The following AK9 variants were observed in gnomAD, a reference collection of about 807,000 sequenced individuals.
The protein encoded by AK9 is adenylate kinase domain containing 1.
AK9 carries 191 observed loss-of-function variants against 239.6 expected under a neutral mutation model. The ratio of observed to expected loss-of-function variants is 0.80; its 90% CI spans 0.71 to 0.90. The LOEUF (loss-of-function observed/expected upper bound fraction) is 0.90, where lower values mean the gene tolerates loss of function less well. Among genes scored for constraint, AK9 ranks in the 40% least tolerant of loss-of-function variants. The pLI is 0.00. For synonymous variants in AK9, 689 were observed against 721.0 expected, an observed-to-expected ratio of 0.96 and a Z score of 0.71; for missense variants, 1,995 against 2,214.7, an observed-to-expected ratio of 0.90 and a Z score of 1.99.
At chr6:109,550,046 A>C (rs1010489625) in intron 25 of AK9, 44 bp downstream of exon 25, 1 of 1,587,382 alleles carries the variant, frequency 6.3e-7, no homozygotes, top group Non-Finnish European at 8.6e-7. Flanking sequence ...CAGTCCCAAA[A>C]AAATCCTGTG....
Position 109,573,588 on chromosome 6 carries a change from T to TC in AK9, c.2197dup (p.Glu733GlyfsTer4). The TC allele has an allele frequency of 6.5e-7, 1 of 1,534,766 alleles. No homozygotes were observed. On this transcript the variant is annotated frameshift_variant, in exon 21 of 41. Coordinates refer to ENST00000424296, the MANE Select transcript of AK9 (RefSeq NM_001145128.3). LOFTEE classifies it high-confidence loss of function. Reference sequence around the variant, plus strand: ...CTCTTCATCCTCATTATCAGTCTCTTCAGCTTCTAAAAAAATTTGAAGAAA... The same window carrying TC: ...CTCTTCATCCTCATTATCAGTCTCTTCCAGCTTCTAAAAAAATTTGAAGAAA...
At chr6:109,628,138 G>A (rs1263367789) in intron 12 of AK9, among the ~76,000 whole-genome samples, 1 of 152,146 alleles carries the variant, frequency 6.6e-6, no homozygotes, top group African/African-American at 2.4e-5. Context: ...CCTTTACAGT[G>A]TGTCAGCTCA....
At chr6:109,657,747 T>A (rs1411269810) in intron 7 of AK9, among the ~76,000 whole-genome samples, 1 of 151,956 alleles carries the variant, frequency 6.6e-6, no homozygotes, top group Non-Finnish European at 1.5e-5. Context: ...CCCCTTCCTG[T>A]GTCCAAGTGT....
chr6:109,683,728 C>T (rs1437234951), intron 1 of AK9, among the ~76,000 whole-genome samples: 1 of 152,108 alleles, frequency 6.6e-6, no homozygotes, highest in East Asian at 1.9e-4. Flanking sequence ...AATTACAAAC[C>T]ACTGCTCAAG....
chr6:109,540,484 T>G (rs1176561257), intron 27 of AK9, among the ~76,000 whole-genome samples: 2 of 152,154 alleles, frequency 1.3e-5, no homozygotes, highest in East Asian at 3.9e-4. Flanking sequence ...TGACCCGATT[T>G]TCCAGGTGCC....
At position 109,595,442 on chromosome 6, in the gene AK9, G is replaced by T. The variant is rs181049689; in HGVS notation, c.1843-9370C>A. Among the ~76,000 whole-genome samples the T allele has an allele frequency of 1.7e-3, 262 of 152,260 alleles. 3 individuals are homozygous for T. Among genetic ancestry groups the T allele is most frequent in the Admixed American group, 0.015 (234 of 15,274 alleles). The stretch of plus-strand genomic sequence containing the variant: ...TTCAACCATTGTGGAAGACAGTGTG[G>T]TGATTCCTCAAGGATCTAGAACCAG... On this transcript the variant is annotated intron_variant, in intron 17 of 40. Coordinates refer to ENST00000424296, the MANE Select transcript of AK9 (RefSeq NM_001145128.3).
chr6:109,516,403 T>A, intron 30 of AK9, 27 bp downstream of exon 30: 1 of 1,526,254 alleles, frequency 6.6e-7, no homozygotes, highest in Non-Finnish European at 8.9e-7. Flanking sequence ...ACTTTTGAAT[T>A]ATAAAAAGCA....
chr6:109,649,929 C>T (rs922371119), intron 8 of AK9, among the ~76,000 whole-genome samples: 7 of 152,044 alleles, frequency 4.6e-5, no homozygotes, highest in Admixed American at 2.0e-4. Flanking sequence ...GAAATAATGC[C>T]GCAGATCTAC....
At chr6:109,648,708 A>G (rs1798463003) in intron 8 of AK9, among the ~76,000 whole-genome samples, 1 of 152,248 alleles carries the variant, frequency 6.6e-6, no homozygotes, top group South Asian at 2.1e-4. Context: ...TCCAATCAAT[A>G]GAAAAAGAGG....
chr6:109,596,247 C>A (rs1431166599), intron 17 of AK9, among the ~76,000 whole-genome samples: 1 of 152,120 alleles, frequency 6.6e-6, no homozygotes, highest in Non-Finnish European at 1.5e-5. Flanking sequence ...GGAGAAGAGA[C>A]CAAGCTGAGT....
chr6:109,519,642 A>C (rs1286359979), intron 29 of AK9, among the ~76,000 whole-genome samples: 1 of 151,832 alleles, frequency 6.6e-6, no homozygotes, highest in African/African-American at 2.4e-5. Flanking sequence ...GAAAGTAAAA[A>C]ATAAAAAAAT....
chr6:109,633,411 T>A, intron 10 of AK9, 88 bp from the exon 11 acceptor site: 1 of 1,331,964 alleles, frequency 7.5e-7, no homozygotes, highest in Non-Finnish European at 1.0e-6. Flanking sequence ...CATTTTATAG[T>A]GCTTTACTAT....
At chr6:109,598,925 G>C (rs1791489250) in intron 17 of AK9, among the ~76,000 whole-genome samples, 1 of 151,868 alleles carries the variant, frequency 6.6e-6, no homozygotes, top group Non-Finnish European at 1.5e-5. Flanking sequence ...GGGGTTGTTT[G>C]TTTTTTTCTT....
Position 109,691,164 on chromosome 6 carries a change from G to A in AK9, c.-29C>T, listed in dbSNP as rs559502057. On this transcript the variant is annotated 5_prime_UTR_variant, in exon 1 of 41. Coordinates refer to ENST00000424296, the MANE Select transcript of AK9 (RefSeq NM_001145128.3). ...ATCCTTACCAAAGATGGTGCCCTTC[G>A]CTTCCTCTCTCGGCAGCACGCAGGT... The A allele has an allele frequency of 3.9e-4, 222 of 563,890 alleles. No homozygotes were observed. The highest frequency in any genetic ancestry group is 1.4e-3 in the Admixed American group (45 of 33,034). The allele number at this position is 563,890 out of a possible 1,614,324, so 34.9% of individuals were successfully genotyped here.
intron 27 of AK9, among the ~76,000 whole-genome samples, chr6:109,540,250 C>T (rs1782677063): frequency 6.6e-6 from 1 of 152,188 alleles, no homozygotes; most frequent in South Asian, 2.1e-4. Context: ...GTGTGCTCCA[C>T]CCAGTTAGAG....
intron 29 of AK9, among the ~76,000 whole-genome samples, chr6:109,518,910 C>T (rs1779541098): frequency 6.6e-6 from 1 of 151,954 alleles, no homozygotes; most frequent in Non-Finnish European, 1.5e-5. Context: ...TTGATTGTGT[C>T]ACCCGGATAG....
intron 27 of AK9, among the ~76,000 whole-genome samples, chr6:109,539,748 T>C (rs1303299797): frequency 3.3e-5 from 5 of 152,188 alleles, no homozygotes; most frequent in Non-Finnish European, 5.9e-5. Flanking sequence ...CTACCTTTGG[T>C]CTTTGATGAT....
rs553617036 is a variant in AK9 at position 109,564,861 on chromosome 6, G to A, written c.2345-16C>T. 1.0e-5 allele frequency: 15 copies of A among 1,497,194 alleles called. No homozygotes were observed. In the Admixed American group the frequency reaches 1.8e-4, roughly 18 times the overall value. 92.7% of individuals were successfully genotyped at this position (1,497,194 alleles called of 1,614,324 possible). A position where few individuals can be genotyped will look rare whatever the true frequency, so the allele number is the denominator to read the frequency against. ...GGCTCAGATACTTAAGAAAGAAATC[G>A]AATAGTTAGTGTTTAAATTTGAAAA... On this transcript the variant is annotated splice_polypyrimidine_tract_variant and intron_variant, in intron 21 of 40. Coordinates refer to ENST00000424296, the MANE Select transcript of AK9 (RefSeq NM_001145128.3).
At chr6:109,566,245 A>C (rs1043836959) in intron 21 of AK9, among the ~76,000 whole-genome samples, 1 of 152,144 alleles carries the variant, frequency 6.6e-6, no homozygotes, top group Non-Finnish European at 1.5e-5. Flanking sequence ...CGTGTGTGGG[A>C]GTCAGGGTAG....
Sources: gnomAD v4.1 joint callset for allele counts (sites outside exome capture counted in the v4.1 genomes callset) on GRCh38, gnomAD v4.1.1 for gene constraint, MANE v1.5 for transcripts, NCBI Gene and HGNC (gene_info 2026-07-23, HGNC 2026-07-21) for gene names.